The following CCM2 variants were observed in gnomAD, a reference collection of about 807,000 sequenced individuals.
The protein encoded by CCM2 is CCM2 scaffold protein, also known as cerebral cavernous malformations 2 protein.
Under a neutral mutation model 44.9 loss-of-function variants are expected in CCM2, and 25 were observed. The observed-to-expected ratio is 0.56, with a 90% CI of 0.41 to 0.78. CCM2 has a LOEUF of 0.78. CCM2 is among the 30% of genes least tolerant of loss of function. The probability of loss-of-function intolerance (pLI) is 0.00; values close to 1 mark genes in which losing one functional copy is unlikely to be tolerated. For missense variants in CCM2, 481 were observed against 580.6 expected, an observed-to-expected ratio of 0.83 and a Z score of 1.76; for synonymous variants, 219 against 241.1, an observed-to-expected ratio of 0.91 and a Z score of 0.85.
rs75161872 is a variant in CCM2, at chr7:45,023,671, T to A, written c.31-14582T>A. Among the ~76,000 whole-genome samples the A allele has an allele frequency of 2.2e-3, 327 of 151,866 alleles. 2 individuals carry two copies. The highest frequency in any genetic ancestry group is 7.5e-3 in the African/African-American group (310 of 41,434). ...CCTTTTTCTAGAGAATGCCTTGTTA[T>A]TGTGAATGAGATTCAGTTTTATTAT... On this transcript the variant is annotated intron_variant, in intron 1 of 9. Transcript: ENST00000258781.
At chr7:45,004,103 C>T (rs1332094624) in intron 1 of CCM2, among the ~76,000 whole-genome samples, 1 of 152,086 alleles carries the variant, frequency 6.6e-6, no homozygotes, top group East Asian at 1.9e-4. Flanking sequence ...TCGCTTGAGC[C>T]CTGGAGGTCG....
At chr7:45,018,576 G>T (rs1298666578) in intron 1 of CCM2, among the ~76,000 whole-genome samples, 1 of 151,954 alleles carries the variant, frequency 6.6e-6, no homozygotes, top group Non-Finnish European at 1.5e-5. Context: ...GATGGGGCTG[G>T]TCTTCAACTC....
At chr7:45,060,622 TTTCTTTCG>T (rs1297561683) in intron 2 of CCM2, among the ~76,000 whole-genome samples, 1 of 152,238 alleles carries the variant, frequency 6.6e-6, no homozygotes, top group Non-Finnish European at 1.5e-5. Flanking sequence ...TTCTGTTTTC[TTTCTTTCG>T]TTCTTTTTTC....
chr7:45,053,840 G>T (rs11763677), intron 2 of CCM2, among the ~76,000 whole-genome samples: 8,104 of 152,190 alleles, frequency 0.053, 255 homozygotes, highest in African/African-American at 0.079. Context: ...CTGTCATTTT[G>T]TATGTCGATT....
intron 1 of CCM2, among the ~76,000 whole-genome samples, chr7:45,036,656 C>T (rs1187040523): frequency 2.0e-5 from 3 of 152,200 alleles, no homozygotes; most frequent in African/African-American, 2.4e-5. Flanking sequence ...CTGCAATTGT[C>T]TGTGAAATTG....
At chr7:45,023,560 A>G (rs1796565110) in intron 1 of CCM2, among the ~76,000 whole-genome samples, 1 of 152,148 alleles carries the variant, frequency 6.6e-6, no homozygotes, top group Non-Finnish European at 1.5e-5. Context: ...AAAAAACAAA[A>G]CTAACAAAAA....
chr7:45,051,269 A>G lies in CCM2; in HGVS notation c.205-12649A>G, dbSNP rs562380892. ...ACCCACTGGGGACATAGCACCATGT[A>G]GCAACTATTGGTTTAGATGTATACT... On this transcript the variant is annotated intron_variant, in intron 2 of 9. Transcript: ENST00000258781. Among the ~76,000 whole-genome samples, 6 of 152,324 alleles carry G rather than the reference A, an allele frequency of 3.9e-5. No individual in the cohort carries two copies. In the South Asian group the frequency reaches 1.2e-3, roughly 32 times the overall value.
chr7:45,043,206 C>T (rs1797595339), intron 2 of CCM2, among the ~76,000 whole-genome samples: 1 of 152,094 alleles, frequency 6.6e-6, no homozygotes, highest in African/African-American at 2.4e-5. Context: ...TAGACTCAAG[C>T]AGTCCTCCCA....
intron 4 of CCM2, among the ~76,000 whole-genome samples, chr7:45,065,472 G>C (rs1167790284): frequency 6.6e-6 from 1 of 152,194 alleles, no homozygotes; most frequent in Admixed American, 6.5e-5. Context: ...GGTCACAGTG[G>C]GTCTGCCTAG....
chr7:45,016,424 G>T (rs1796266470), intron 1 of CCM2, among the ~76,000 whole-genome samples: 1 of 151,886 alleles, frequency 6.6e-6, no homozygotes, highest in Admixed American at 6.6e-5. Context: ...CTGCCTCCCG[G>T]GTTCAAGCGA....
At chr7:45,016,199 G>A (rs1796256819) in intron 1 of CCM2, among the ~76,000 whole-genome samples, 2 of 152,206 alleles carry the variant, frequency 1.3e-5, no homozygotes, top group Non-Finnish European at 2.9e-5. Context: ...GGAGGGGTTG[G>A]AACAGGAATT....
chr7:45,000,320 C>T lies in CCM2; in HGVS notation c.-14C>T. 3.1e-6 allele frequency: 4 copies of T among 1,273,522 alleles called. No individual in the cohort carries two copies. Among genetic ancestry groups the T allele is most frequent in the Admixed American group, 3.6e-5 (1 of 27,754 alleles). 78.9% of individuals were successfully genotyped at this position (1,273,522 alleles called of 1,614,324 possible). A position where few individuals can be genotyped will look rare whatever the true frequency, so the allele number is the denominator to read the frequency against. ...GGGCGGGCCGGGCGGGCCGCGGGAG[C>T]CGCACGCGGCGATATGGAAGAGGAG... is the stretch of plus-strand genomic sequence containing the variant. On this transcript the variant is annotated 5_prime_UTR_variant, in exon 1 of 10. Coordinates refer to ENST00000258781, the MANE Select transcript of CCM2 (RefSeq NM_031443.4).
rs181341994 is a variant in CCM2, at chr7:45,065,967, C to G, written c.472+1321C>G. The stretch of plus-strand genomic sequence containing the variant: ...GGAGTGAGGAGACTGGTTTCTGACT[C>G]GCTTCTTGCAGGTGTTTCAAGCTGG... On this transcript the variant is annotated intron_variant, in intron 4 of 9. Transcript: ENST00000258781. Among the ~76,000 whole-genome samples, 6 of 152,256 alleles carry G rather than the reference C, an allele frequency of 3.9e-5. No homozygotes were observed. In the East Asian group the frequency reaches 7.7e-4, roughly 20 times the overall value.
At chr7:45,074,159 G>A in intron 8 of CCM2, 111 bp from the exon 9 acceptor site, 1 of 1,575,784 alleles carries the variant, frequency 6.3e-7, no homozygotes, top group East Asian at 2.3e-5. Context: ...CAGAGGTGAA[G>A]CCAGAGACAG....
chr7:45,043,648 G>C, intron 2 of CCM2: 1 of 341,298 alleles, frequency 2.9e-6, no homozygotes. Context: ...AAAAATTGTG[G>C]AGAAATTTTA....
At chr7:45,055,961 T>G (rs1222788214) in intron 2 of CCM2, among the ~76,000 whole-genome samples, 1 of 152,262 alleles carries the variant, frequency 6.6e-6, no homozygotes, top group Non-Finnish European at 1.5e-5. Context: ...CTGGCTTATT[T>G]CGCTTAGCAC....
chr7:45,000,375 CG>C lies in CCM2; in HGVS notation c.30+17del, dbSNP rs1433966746. ...AGAAGGGCAAGAAGGTGAGCGTGCG[CG>C]GGGGCGTCCTACTGCTGTGGTCGGC... is the stretch of plus-strand genomic sequence containing the variant. On this transcript the variant is annotated intron_variant, in intron 1 of 9. Transcript: ENST00000258781. The C allele has an allele frequency of 1.6e-6, 2 of 1,284,886 alleles. No individual in the cohort carries two copies. The highest frequency in any genetic ancestry group is 9.9e-7 in the Non-Finnish European group (1 of 1,009,702). The allele number at this position is 1,284,886 out of a possible 1,614,324, so 79.6% of individuals were successfully genotyped here.
At chr7:45,046,416 A>G (rs1797759008) in intron 2 of CCM2, among the ~76,000 whole-genome samples, 1 of 152,220 alleles carries the variant, frequency 6.6e-6, no homozygotes, top group Admixed American at 6.5e-5. Flanking sequence ...AGATCAGGGG[A>G]GCAAAATGAA....
In CCM2 at chr7:45,007,365, G is replaced by A. The variant is rs142614468; in HGVS notation, c.30+7002G>A. 4.0e-3 allele frequency among the ~76,000 whole-genome samples: 616 copies of A among 152,192 alleles called. 11 individuals are homozygous for A. The highest frequency in any genetic ancestry group is 5.7e-4 in the Non-Finnish European group (39 of 68,024). On this transcript the variant is annotated intron_variant, in intron 1 of 9. Coordinates refer to ENST00000258781, the MANE Select transcript of CCM2 (RefSeq NM_031443.4). ...GTGAACAGTGGATCTTTGTTAGCGC[G>A]CTTCGCACTCCTTGGCTTTTTTATC... is the stretch of plus-strand genomic sequence containing the variant.
Sources: gnomAD v4.1 joint callset for allele counts (sites outside exome capture counted in the v4.1 genomes callset) on GRCh38, gnomAD v4.1.1 for gene constraint, MANE v1.5 for transcripts, NCBI Gene and HGNC (gene_info 2026-07-23, HGNC 2026-07-21) for gene names.